Variants in ANTXR1 observed in about 807,000 individuals in gnomAD.
ANTXR1 encodes ANTXR cell adhesion molecule 1, also known as anthrax toxin receptor 1.
A neutral mutation model predicts 78.1 loss-of-function variants in ANTXR1; 19 were observed. That is an observed-to-expected ratio of 0.24 (90% CI 0.17 to 0.36). The LOEUF (loss-of-function observed/expected upper bound fraction) is 0.36. Among genes scored for constraint, ANTXR1 ranks in the 10% least tolerant of loss-of-function variants. ANTXR1 has a pLI of 1.00. For synonymous variants in ANTXR1, 273 were observed against 260.5 expected (o/e 1.05, Z -0.46); for missense variants, 518 against 718.6 (o/e 0.72, Z 3.19).
At chr2:69,161,764 A>T (rs1401128690) in intron 13 of ANTXR1, among the ~76,000 whole-genome samples, 1 of 152,206 alleles carries the variant, frequency 6.6e-6, no homozygotes, top group Non-Finnish European at 1.5e-5. Flanking sequence ...TCTAGCTGTG[A>T]CATTAAAGCC....
intron 14 of ANTXR1, among the ~76,000 whole-genome samples, chr2:69,176,576 C>T (rs1674124092): frequency 6.6e-6 from 1 of 152,182 alleles, no homozygotes; most frequent in Non-Finnish European, 1.5e-5. Context: ...GAAACTCACT[C>T]CTCTATAAAT....
chr2:69,087,311 C>A (rs1671084120), intron 8 of ANTXR1, among the ~76,000 whole-genome samples: 1 of 152,206 alleles, frequency 6.6e-6, no homozygotes, highest in Non-Finnish European at 1.5e-5. Flanking sequence ...TCTTCCCACA[C>A]AACAACTTTA....
intron 13 of ANTXR1, among the ~76,000 whole-genome samples, chr2:69,166,536 G>A (rs1300278413): frequency 6.6e-6 from 1 of 152,208 alleles, no homozygotes; most frequent in African/African-American, 2.4e-5. Flanking sequence ...CCAGTCTAAA[G>A]GTGGTAGTAA....
intron 10 of ANTXR1, among the ~76,000 whole-genome samples, chr2:69,115,481 G>A (rs976708147): frequency 1.3e-5 from 2 of 152,150 alleles, no homozygotes; most frequent in African/African-American, 4.8e-5. Context: ...ATTTACAAAA[G>A]CCTATGAAGT....
chr2:69,078,557 A>G (rs2104238630), intron 8 of ANTXR1, among the ~76,000 whole-genome samples: 1 of 152,292 alleles, frequency 6.6e-6, no homozygotes, highest in Non-Finnish European at 1.5e-5. Context: ...AGCAGAGTGG[A>G]ATGCAGAGTG....
At chr2:69,170,878 G>A (rs1332359569) in intron 14 of ANTXR1, among the ~76,000 whole-genome samples, 2 of 152,108 alleles carry the variant, frequency 1.3e-5, no homozygotes, top group Non-Finnish European at 2.9e-5. Context: ...CCACTGAATC[G>A]GCCAGTAAAC....
chr2:69,171,800 A>G (rs747320453), intron 14 of ANTXR1, among the ~76,000 whole-genome samples: 39 of 152,222 alleles, frequency 2.6e-4, no homozygotes, highest in South Asian at 2.1e-4. Context: ...GAGCCAAGTA[A>G]AAAAGCCCAA....
intron 3 of ANTXR1, among the ~76,000 whole-genome samples, chr2:69,049,981 T>TA (rs1669880642): frequency 6.6e-6 from 1 of 152,124 alleles, no homozygotes. Context: ...GACCTGTCTG[T>TA]AAAAATTTTA....
chr2:69,088,013 T>A (rs536993432), intron 8 of ANTXR1, among the ~76,000 whole-genome samples: 232 of 152,362 alleles, frequency 1.5e-3, no homozygotes, highest in African/African-American at 5.3e-3. Flanking sequence ...CTGTATTGCA[T>A]CCTTCCAGAT....
chr2:69,134,874 C>G (rs138204874), intron 12 of ANTXR1: 1 of 195,558 alleles, frequency 5.1e-6, no homozygotes, highest in Non-Finnish European at 1.1e-5. Flanking sequence ...CACATTAGTC[C>G]CAAATCAGTC....
intron 12 of ANTXR1, among the ~76,000 whole-genome samples, chr2:69,138,747 T>C (rs1173399907): frequency 1.3e-5 from 2 of 152,216 alleles, no homozygotes; most frequent in Non-Finnish European, 2.9e-5. Flanking sequence ...ATGTTTTGTT[T>C]CATTTTTTAA....
chr2:69,112,248 G>T (rs1011935883), intron 10 of ANTXR1, among the ~76,000 whole-genome samples: 2 of 152,104 alleles, frequency 1.3e-5, no homozygotes, highest in Admixed American at 1.3e-4. Context: ...CATCATCACC[G>T]CAGCCCAAAG....
At chr2:69,242,672 G>T (rs1675922429) in intron 17 of ANTXR1, among the ~76,000 whole-genome samples, 1 of 152,140 alleles carries the variant, frequency 6.6e-6, no homozygotes, top group Admixed American at 6.5e-5. Context: ...TGAATCTCTT[G>T]AGCCTCTCTG....
chr2:69,138,816 A>G (rs1672989542), intron 12 of ANTXR1, among the ~76,000 whole-genome samples: 1 of 152,220 alleles, frequency 6.6e-6, no homozygotes, highest in Admixed American at 6.5e-5. Context: ...TCTTTTCAAC[A>G]CAACCCAGCA....
At chr2:69,094,450 C>T (rs1000594874) in intron 9 of ANTXR1, among the ~76,000 whole-genome samples, 6 of 152,212 alleles carry the variant, frequency 3.9e-5, no homozygotes, top group African/African-American at 1.4e-4. Context: ...TGATTGTTCA[C>T]ATTTCTAACA....
intron 12 of ANTXR1, among the ~76,000 whole-genome samples, chr2:69,151,329 C>G (rs1673389828): frequency 6.6e-6 from 1 of 151,778 alleles, no homozygotes; most frequent in Admixed American, 6.6e-5. Context: ...ACAATTTGCC[C>G]CCTCTCTCCT....
At chr2:69,164,552 A>G (rs1673776222) in intron 13 of ANTXR1, among the ~76,000 whole-genome samples, 1 of 152,152 alleles carries the variant, frequency 6.6e-6, no homozygotes, top group African/African-American at 2.4e-5. Context: ...CTTACAGTCC[A>G]GTGCGGAAGA....
intron 16 of ANTXR1, among the ~76,000 whole-genome samples, chr2:69,186,904 C>A (rs559648041): frequency 6.6e-6 from 1 of 152,130 alleles, no homozygotes; most frequent in Non-Finnish European, 1.5e-5. Context: ...GGATGGGGGC[C>A]GGCAGGTCAG....
At chr2:69,072,810 T>G (rs1193458549) in intron 5 of ANTXR1, among the ~76,000 whole-genome samples, 2 of 152,216 alleles carry the variant, frequency 1.3e-5, no homozygotes, top group Non-Finnish European at 2.9e-5. Flanking sequence ...GGCTGAAAAA[T>G]GAGAAAGCAA....
Sources: gnomAD v4.1 joint callset for allele counts (sites outside exome capture counted in the v4.1 genomes callset) on GRCh38, gnomAD v4.1.1 for gene constraint, MANE v1.5 for transcripts, NCBI Gene and HGNC (gene_info 2026-07-23, HGNC 2026-07-21) for gene names.